MRNIP: variants seen among roughly 807,000 people sequenced by gnomAD.
MRNIP encodes the protein MRN complex interacting protein.
A neutral mutation model predicts 29.8 loss-of-function variants in MRNIP; 30 were observed. The observed-to-expected ratio is 1.01, with a 90% CI of 0.75 to 1.36. The LOEUF is 1.36. MRNIP is among the 40% of genes most tolerant of loss of function. MRNIP has a pLI of 0.00. For synonymous variants in MRNIP, 201 were observed against 164.1 expected (o/e 1.23, Z -1.72); for missense variants, 459 against 423.5 (o/e 1.08, Z -0.74).
Position 179,858,776 on chromosome 5 carries a change from A to C in MRNIP, c.21T>G (p.Ser7=), listed in dbSNP as rs995114027. The change falls in exon 1 of 7, where the codon TCT becomes TCG. Residue 7 remains serine (S), a synonymous_variant. Transcript: ENST00000292586. The part of the protein sequence containing the change: MASLQR[S]RVLRCCSCRL... Reference sequence around the variant, plus strand: ...GGCAGCTGCAGCAGCGTAGCACCCGAGAACGCTGAAGCGACGCCATCCCTG... The same window carrying C: ...GGCAGCTGCAGCAGCGTAGCACCCGCGAACGCTGAAGCGACGCCATCCCTG... 93 of 1,540,564 alleles carry C rather than the reference A, an allele frequency of 6.0e-5. No homozygotes were observed. Among genetic ancestry groups the C allele is most frequent in the Non-Finnish European group, 7.7e-5 (88 of 1,143,706 alleles).
chr5:179,844,010 T>C (rs1759021638), intron 4 of MRNIP, 142 bp downstream of exon 4: 1 of 686,446 alleles, frequency 1.5e-6, no homozygotes, highest in Non-Finnish European at 2.6e-6. Flanking sequence ...TATTTATTTT[T>C]GTGTTCCCTG....
rs781445071 is a variant in MRNIP, at chr5:179,841,877, C to T, written c.449+30G>A. ...TGCTGGAGGCAGCAGAGGCCCTGGGCCAGGGCTGGAACGGAGACGCACTTG... is the reference window on the plus strand; with the variant it reads ...TGCTGGAGGCAGCAGAGGCCCTGGGTCAGGGCTGGAACGGAGACGCACTTG... On this transcript the variant is annotated intron_variant, in intron 5 of 6. Coordinates refer to ENST00000292586, the MANE Select transcript of MRNIP (RefSeq NM_016175.4). 4.4e-6 allele frequency: 7 copies of T among 1,609,064 alleles called. No homozygotes were observed. The Admixed American group carries it at 5.0e-5, about 12-fold the overall frequency.
chr5:179,844,689 G>T (rs1000384630), intron 3 of MRNIP, among the ~76,000 whole-genome samples: 1 of 152,022 alleles, frequency 6.6e-6, no homozygotes, highest in African/African-American at 2.4e-5. Context: ...GCCTCCCAAA[G>T]TGCTGGGATT....
rs193253763 is a variant in MRNIP, at chr5:179,840,881, T to A, written c.528A>T (p.Gly176=). The change falls in exon 6 of 7, where the codon GGA becomes GGT. Residue 176 remains glycine (G), a synonymous_variant. Coordinates refer to ENST00000292586, the MANE Select transcript of MRNIP (RefSeq NM_016175.4). ...QDSGGSEVAW[G]PQKGQAGLTW... is the part of the protein sequence containing the mutation. ...ACTGTTTGTCACTGACCTTCTGGGG[T>A]CCCCAGGCGACCTCAGAGCCACCCG... 42 of 1,609,710 alleles carry A rather than the reference T, an allele frequency of 2.6e-5. No homozygotes were observed. The Admixed American group carries it at 6.7e-4, about 26-fold the overall frequency.
chr5:179,851,362 G>A (rs1240702086), intron 2 of MRNIP: 1 of 456,084 alleles, frequency 2.2e-6, no homozygotes, highest in African/African-American at 2.0e-5. Flanking sequence ...TTGAGACTCA[G>A]CTCTTCCAGT....
At chr5:179,843,731 C>T (rs1286921516) in intron 4 of MRNIP, among the ~76,000 whole-genome samples, 3 of 150,558 alleles carry the variant, frequency 2.0e-5, no homozygotes, top group African/African-American at 7.4e-5. Context: ...CAGAGTGAGA[C>T]CTCGTTTCAG....
At chr5:179,856,172 CTGGGATTACAGGT>C (rs1759569787) in intron 1 of MRNIP, among the ~76,000 whole-genome samples, 1 of 151,960 alleles carries the variant, frequency 6.6e-6, no homozygotes, top group Non-Finnish European at 1.5e-5. Context: ...TCCCAAAGTG[CTGGGATTACAGGT>C]GTGAGCCACC....
chr5:179,837,834 G>A lies in MRNIP; in HGVS notation c.589C>T (p.Gln197Ter). Residue 197 changes from glutamine (Q) to a stop codon, truncating the protein, a stop_gained, in exon 7 of 7, where the codon CAG becomes TAG. Coordinates refer to ENST00000292586, the MANE Select transcript of MRNIP (RefSeq NM_016175.4). LOFTEE classifies it low-confidence loss of function (END_TRUNC). ...KVKQGSSPCL[Q>*]ENSADCSAGE... ...GCACTGCAGTCTGCAGAGTTCTCCT[G>A]GAGGCAGGGGCTGCTGCCTTGTTTC... is the stretch of plus-strand genomic sequence containing the variant. 6.2e-7 allele frequency: 1 copy of A among 1,612,502 alleles called. No homozygotes were observed. Among genetic ancestry groups the A allele is most frequent in the Non-Finnish European group, 8.5e-7 (1 of 1,180,020 alleles).
At position 179,842,130 on chromosome 5, in the gene MRNIP, A is replaced by C. The variant is rs979297884; in HGVS notation, c.292-66T>G. 5 of 1,507,658 alleles carry C rather than the reference A, an allele frequency of 3.3e-6. No homozygotes were observed. In the African/African-American group the frequency reaches 6.9e-5, roughly 21 times the overall value. 93.4% of individuals were successfully genotyped at this position (1,507,658 alleles called of 1,614,324 possible). A position where few individuals can be genotyped will look rare whatever the true frequency, so the allele number is the denominator to read the frequency against. On this transcript the variant is annotated intron_variant, in intron 4 of 6. Coordinates refer to ENST00000292586, the MANE Select transcript of MRNIP (RefSeq NM_016175.4). ...CCAGGCAGTTTTATCGAAAACCCCT[A>C]GCCCAACTCTTGGGCCTGAGGATCT...
rs1412392213 is a variant in MRNIP, at chr5:179,857,170, C to T, written c.66+1561G>A. On this transcript the variant is annotated intron_variant, in intron 1 of 6. Transcript: ENST00000292586. ...GGAAAACAAACAAGGAAATAGAGGC[C>T]GGGCGCAGTGGCTCACACCCGTAAC... Among the ~76,000 whole-genome samples the T allele has an allele frequency of 2.0e-5, 3 of 151,996 alleles. No homozygotes were observed. The East Asian group carries it at 5.8e-4, about 29-fold the overall frequency.
rs201261866 is a variant in MRNIP at position 179,841,896 on chromosome 5, G to A, written c.449+11C>T. On this transcript the variant is annotated intron_variant, in intron 5 of 6. Coordinates refer to ENST00000292586, the MANE Select transcript of MRNIP (RefSeq NM_016175.4). ...CCTGGGCCAGGGCTGGAACGGAGAC[G>A]CACTTGGTACCTTTTTCTAGGCAGG... The A allele has an allele frequency of 9.6e-5, 155 of 1,612,596 alleles. No homozygotes were observed. Among genetic ancestry groups the A allele is most frequent in the Non-Finnish European group, 3.6e-5 (42 of 1,179,664 alleles).
rs1056353380 is a variant in MRNIP, at chr5:179,841,730, A to G, written c.449+177T>C. ...CTTCGCCTCTGCACCAGCAGTGCCC[A>G]ATGCCCAGGTGGGCTGTGGGGCCAG... On this transcript the variant is annotated intron_variant, in intron 5 of 6. Coordinates refer to ENST00000292586, the MANE Select transcript of MRNIP (RefSeq NM_016175.4). The G allele has an allele frequency of 4.8e-5, 32 of 671,534 alleles. No individual in the cohort carries two copies. In the African/African-American group the frequency reaches 5.1e-4, roughly 11 times the overall value. 41.6% of individuals were successfully genotyped at this position (671,534 alleles called of 1,614,324 possible).
chr5:179,856,471 G>A (rs1449550550), intron 1 of MRNIP, among the ~76,000 whole-genome samples: 1 of 151,806 alleles, frequency 6.6e-6, no homozygotes, highest in Non-Finnish European at 1.5e-5. Context: ...TTGGTTTCAA[G>A]TAATTTTTCT....
chr5:179,856,201 C>T (rs912967828), intron 1 of MRNIP, among the ~76,000 whole-genome samples: 2 of 151,944 alleles, frequency 1.3e-5, no homozygotes, highest in East Asian at 1.9e-4. Flanking sequence ...CCACCGCACC[C>T]GGCCAAGAAA....
intron 3 of MRNIP, chr5:179,847,199 G>A (rs1016498522): frequency 2.0e-4 from 21 of 107,624 alleles, no homozygotes; most frequent in South Asian, 9.0e-4. Flanking sequence ...AGATAGTCTC[G>A]TTCTGTCGCC....
chr5:179,849,872 CCCG>C (rs1759285505), intron 2 of MRNIP, among the ~76,000 whole-genome samples: 2 of 62,194 alleles, frequency 3.2e-5, no homozygotes, highest in South Asian at 8.3e-4. Context: ...GAGTACGGGT[CCCG>C]CTATGGCACA....
rs1347905496 is a variant in MRNIP at position 179,851,558 on chromosome 5, A to G, written c.126+1820T>C. 7.2e-6 allele frequency: 3 copies of G among 419,354 alleles called. No individual in the cohort carries two copies. In the East Asian group the frequency reaches 2.2e-4, roughly 30 times the overall value. The allele number at this position is 419,354 out of a possible 1,614,324, so 26.0% of individuals were successfully genotyped here. Reference sequence around the variant, plus strand: ...GTTCTTGGGGCTAGTTTTTCAAGGGACCGGGGATGAAGTTCTGCCCTTGGA... The same window carrying G: ...GTTCTTGGGGCTAGTTTTTCAAGGGGCCGGGGATGAAGTTCTGCCCTTGGA... On this transcript the variant is annotated intron_variant, in intron 2 of 6. Transcript: ENST00000292586.
At chr5:179,844,001 A>G (rs1759020860) in intron 4 of MRNIP, 151 bp downstream of exon 4, 5 of 661,148 alleles carry the variant, frequency 7.6e-6, no homozygotes, top group Non-Finnish European at 1.3e-5. Flanking sequence ...GTACAGGTTT[A>G]TTTATTTTTG....
chr5:179,850,637 C>T (rs529204966), intron 2 of MRNIP, among the ~76,000 whole-genome samples: 9 of 152,328 alleles, frequency 5.9e-5, no homozygotes, highest in Non-Finnish European at 1.3e-4. Context: ...GTTTGGAGCA[C>T]ATTCGCCTGA....
Sources: allele counts gnomAD v4.1 joint callset (sites outside exome capture counted in the v4.1 genomes callset), GRCh38; gene constraint gnomAD v4.1.1; transcripts MANE v1.5; gene names NCBI Gene and HGNC (gene_info 2026-07-23, HGNC 2026-07-21).